GRAMD2B: variants seen among roughly 807,000 people sequenced by gnomAD.
GRAMD2B encodes GRAM domain-containing protein 2B.
In GRAMD2B, 41 loss-of-function variants were observed where a neutral mutation model predicts 59.2. That is an observed-to-expected ratio of 0.69 (90% CI 0.54 to 0.90). The LOEUF is 0.90. Among genes scored for constraint, GRAMD2B ranks in the 40% least tolerant of loss-of-function variants. The probability of loss-of-function intolerance (pLI) is 0.00; values close to 1 mark genes in which losing one functional copy is unlikely to be tolerated. For synonymous variants in GRAMD2B, 161 were observed against 182.7 expected (o/e 0.88, Z 0.96); for missense variants, 424 against 500.5 (o/e 0.85, Z 1.46).
At chr5:126,402,360 G>A (rs1757913472) in intron 1 of GRAMD2B, among the ~76,000 whole-genome samples, 1 of 152,038 alleles carries the variant, frequency 6.6e-6, no homozygotes, top group African/African-American at 2.4e-5. Context: ...TAACACTTAA[G>A]GCTAATGAAC....
intron 1 of GRAMD2B, among the ~76,000 whole-genome samples, chr5:126,446,087 A>C (rs1764169545): frequency 6.6e-6 from 1 of 152,154 alleles, no homozygotes; most frequent in Non-Finnish European, 1.5e-5. Flanking sequence ...ATACTACTAC[A>C]TTGTGCTAAT....
In GRAMD2B at chr5:126,373,568, T is replaced by C. The variant is rs145798628; in HGVS notation, c.125+2001T>C. The stretch of plus-strand genomic sequence containing the variant: ...ACAGAGGTTACAATCATGAGTGAGA[T>C]AGACTTAGTCCCTGCTCTCATGGAG... On this transcript the variant is annotated intron_variant, in intron 1 of 8. Transcript: ENST00000506445. Among the ~76,000 whole-genome samples the C allele has an allele frequency of 1.8e-3, 277 of 152,356 alleles. 1 individual carries two copies. Among genetic ancestry groups the C allele is most frequent in the Middle Eastern group, 0.01 (3 of 294 alleles).
At position 126,453,974 on chromosome 5, in the gene GRAMD2B, T is replaced by C. The variant is rs190414898; in HGVS notation, c.84-11452T>C. 4.7e-4 allele frequency among the ~76,000 whole-genome samples: 72 copies of C among 152,318 alleles called. No homozygotes were observed. The South Asian group carries it at 6.4e-3, about 14-fold the overall frequency. Reference sequence around the variant, plus strand: ...ATTGCATAATTTCTTATATTATTGATAATAAAGAGATGGAAGTCAGTATAA... The same window carrying C: ...ATTGCATAATTTCTTATATTATTGACAATAAAGAGATGGAAGTCAGTATAA... On this transcript the variant is annotated intron_variant, in intron 1 of 13. Transcript: ENST00000285689.
chr5:126,423,832 A>ACG (rs1561501104), intron 1 of GRAMD2B, 143 bp downstream of exon 1: 16 of 591,042 alleles, frequency 2.7e-5, no homozygotes. Flanking sequence ...TCTGTCTCTC[A>ACG]CTCTCTCTCT....
intron 3 of GRAMD2B, among the ~76,000 whole-genome samples, chr5:126,470,715 C>G (rs376384712): frequency 2.0e-5 from 3 of 152,066 alleles, no homozygotes; most frequent in African/African-American, 7.2e-5. Context: ...TGCACCACCA[C>G]ACCCAGCTAA....
rs76197861 is a variant in GRAMD2B at position 126,378,656 on chromosome 5, G to T, written c.125+7089G>T. ...ACTTTGCAGCACTGAGTGAAGGAAT[G>T]GATGTGGTTTTCCCAGCTAGGGGAA... On this transcript the variant is annotated intron_variant, in intron 1 of 8. Transcript: ENST00000506445. Among the ~76,000 whole-genome samples, 148 of 152,264 alleles carry T rather than the reference G, an allele frequency of 9.7e-4. 1 individual carries two copies. Among genetic ancestry groups the T allele is most frequent in the African/African-American group, 3.3e-3 (139 of 41,550 alleles).
At chr5:126,389,968 T>C (rs932149873) in intron 1 of GRAMD2B, among the ~76,000 whole-genome samples, 1 of 152,162 alleles carries the variant, frequency 6.6e-6, no homozygotes, top group Non-Finnish European at 1.5e-5. Context: ...AATTGTTAAA[T>C]TGTCCACATT....
chr5:126,403,048 A>T (rs1757969643), intron 1 of GRAMD2B, among the ~76,000 whole-genome samples: 1 of 151,952 alleles, frequency 6.6e-6, no homozygotes. Context: ...TAGAGCCAGG[A>T]GTTAGGATCA....
At chr5:126,402,617 G>GGTTACTGAACACCAA (rs1393760079) in intron 1 of GRAMD2B, among the ~76,000 whole-genome samples, 1 of 151,902 alleles carries the variant, frequency 6.6e-6, no homozygotes, top group East Asian at 1.9e-4. Context: ...GAGATAGAAG[G>GGTTACTGAACACCAA]GTTACTGAAC....
chr5:126,366,075 G>A (rs955493320), intron 1 of GRAMD2B, among the ~76,000 whole-genome samples: 8 of 152,184 alleles, frequency 5.3e-5, no homozygotes, highest in African/African-American at 1.9e-4. Context: ...GTGGCAGATA[G>A]TAATAGTTCT....
chr5:126,475,053 A>G (rs556616834), intron 5 of GRAMD2B, among the ~76,000 whole-genome samples: 10 of 152,360 alleles, frequency 6.6e-5, no homozygotes, highest in Admixed American at 6.5e-4. Context: ...CAATTGCTCT[A>G]CAACGGGAAC....
chr5:126,469,868 G>T (rs1057138500), intron 3 of GRAMD2B, 80 bp downstream of exon 3: 15 of 898,164 alleles, frequency 1.7e-5, no homozygotes, highest in Non-Finnish European at 2.7e-5. Flanking sequence ...ACCCAAGTAT[G>T]CACCTTCCTG....
At chr5:126,421,236 A>C (rs1759694490), upstream of GRAMD2B, among the ~76,000 whole-genome samples, 1 of 152,232 alleles carries the variant, frequency 6.6e-6, no homozygotes, top group South Asian at 2.1e-4. Flanking sequence ...TAAAATGATA[A>C]ATAGTAATGT....
At chr5:126,480,785 C>A in intron 8 of GRAMD2B, 78 bp downstream of exon 8, 2 of 1,309,970 alleles carry the variant, frequency 1.5e-6, no homozygotes, top group Non-Finnish European at 2.2e-6. Flanking sequence ...TACACCATGA[C>A]CAGGGTGTGG....
rs372281197 is a variant in GRAMD2B, at chr5:126,394,274, C to CAA, written c.125+22720_125+22721dup. On this transcript the variant is annotated intron_variant, in intron 1 of 8. Transcript: ENST00000506445. The stretch of plus-strand genomic sequence containing the variant: ...CGGACGACACAGCAAGACTCTGTCT[C>CAA]AAAAAAAAAAAAAAGAAAAGAAAAC... 3.8e-4 allele frequency among the ~76,000 whole-genome samples: 45 copies of CAA among 119,086 alleles called. 1 individual carries two copies. Among genetic ancestry groups the CAA allele is most frequent in the Admixed American group, 2.9e-3 (33 of 11,422 alleles). 78.1% of individuals were successfully genotyped at this position (119,086 alleles called of 152,430 possible).
rs138230497 is a variant in GRAMD2B, at chr5:126,468,079, C to T, written c.204-1598C>T. ...TTGTGAAATCATGGATTTTGTGTGT[C>T]GTTTCCTCCCAATAAACATTAAAGC... On this transcript the variant is annotated intron_variant, in intron 2 of 13. Transcript: ENST00000285689. Among the ~76,000 whole-genome samples, 780 of 152,238 alleles carry T rather than the reference C, an allele frequency of 5.1e-3. 12 individuals carry two copies. Among genetic ancestry groups the T allele is most frequent in the African/African-American group, 0.018 (741 of 41,540 alleles).
chr5:126,484,114 C>A (rs1772413277), intron 9 of GRAMD2B, among the ~76,000 whole-genome samples: 1 of 152,250 alleles, frequency 6.6e-6, no homozygotes, highest in Non-Finnish European at 1.5e-5. Context: ...AGGCGTGAGC[C>A]ACCGCACCGG....
At chr5:126,383,424 A>G (rs767615335) in intron 1 of GRAMD2B, among the ~76,000 whole-genome samples, 9 of 152,242 alleles carry the variant, frequency 5.9e-5, no homozygotes, top group Non-Finnish European at 8.8e-5. Flanking sequence ...CAAGAAGCAC[A>G]TAAGTGATGA....
chr5:126,457,420 G>C (rs534739151), intron 1 of GRAMD2B, among the ~76,000 whole-genome samples: 1 of 151,962 alleles, frequency 6.6e-6, no homozygotes, highest in Non-Finnish European at 1.5e-5. Context: ...GATCACCTGA[G>C]CTCAGGAGTT....
Sources: gnomAD v4.1 joint callset for allele counts (sites outside exome capture counted in the v4.1 genomes callset) on GRCh38, gnomAD v4.1.1 for gene constraint, MANE v1.5 for transcripts, NCBI Gene and HGNC (gene_info 2026-07-23, HGNC 2026-07-21) for gene names.